The following SPATA6L variants were observed in gnomAD, a reference collection of about 807,000 sequenced individuals.
SPATA6L encodes the protein spermatogenesis associated 6-like protein.
In SPATA6L, 68 loss-of-function variants were observed where a neutral mutation model predicts 49.2. The ratio of observed to expected loss-of-function variants is 1.38; its 90% CI spans 1.14 to 1.69. The LOEUF (loss-of-function observed/expected upper bound fraction) is 1.69, where lower values mean the gene tolerates loss of function less well. Ranked by LOEUF, SPATA6L falls within the 40% of genes most tolerant of loss-of-function variation. SPATA6L has a pLI of 0.00. For missense variants in SPATA6L, 668 were observed against 464.3 expected (o/e 1.44, Z -4.03); for synonymous variants, 198 against 165.7 (o/e 1.19, Z -1.50).
intron 7 of SPATA6L, among the ~76,000 whole-genome samples, chr9:4,619,961 G>T (rs1000619800): frequency 2.0e-5 from 3 of 152,200 alleles, no homozygotes; most frequent in Non-Finnish European, 4.4e-5. Context: ...GCTTCCCCCA[G>T]TGTGACCAGG....
chr9:4,623,568 A>C (rs531275906), intron 6 of SPATA6L, among the ~76,000 whole-genome samples: 5 of 152,278 alleles, frequency 3.3e-5, no homozygotes, highest in Admixed American at 3.3e-4. Context: ...CAGGTTTTCT[A>C]AATTTTAATG....
At position 4,622,457 on chromosome 9, in the gene SPATA6L, C is replaced by T. The variant is rs1367564714; in HGVS notation, c.723G>A (p.Arg241=). The change falls in exon 7 of 12, where the codon AGG becomes AGA. Residue 241 remains arginine (R), a synonymous_variant. Transcript: ENST00000682582. The part of the protein sequence containing the change: ...GENISEHHLR[R]SRRKSKFSDF... The stretch of plus-strand genomic sequence containing the variant: ...CTGAAAACTTAGATTTTCTTCTAGA[C>T]CTCCTCAAATGATGCTCTGAAATAT... The T allele has an allele frequency of 6.2e-7, 1 of 1,613,878 alleles. No homozygotes were observed. Among genetic ancestry groups the T allele is most frequent in the Non-Finnish European group, 8.5e-7 (1 of 1,179,922 alleles).
intron 7 of SPATA6L, 33 bp from the exon 8 acceptor site, chr9:4,618,931 T>A: frequency 5.6e-6 from 9 of 1,605,720 alleles, no homozygotes; most frequent in Non-Finnish European, 7.7e-6. Context: ...TTTCAATGAC[T>A]CATTATTACC....
chr9:4,622,351 TC>T, intron 7 of SPATA6L, 56 bp downstream of exon 7: 1 of 1,017,308 alleles, frequency 9.8e-7, no homozygotes, highest in Non-Finnish European at 1.6e-6. Flanking sequence ...AAGAGTATAC[TC>T]AGGACGCATT....
intron 3 of SPATA6L, among the ~76,000 whole-genome samples, chr9:4,643,627 A>G (rs1447930768): frequency 6.6e-6 from 1 of 152,242 alleles, no homozygotes; most frequent in African/African-American, 2.4e-5. Context: ...TAAGAAAAGT[A>G]AAACCCAAAA....
At chr9:4,652,007 G>A (rs1256876315) in intron 3 of SPATA6L, among the ~76,000 whole-genome samples, 1 of 152,140 alleles carries the variant, frequency 6.6e-6, no homozygotes, top group African/African-American at 2.4e-5. Flanking sequence ...AAGAAGTAAA[G>A]CTGTTTCTAC....
intron 3 of SPATA6L, among the ~76,000 whole-genome samples, chr9:4,655,361 A>C (rs1728378630): frequency 6.6e-6 from 1 of 152,248 alleles, no homozygotes; most frequent in South Asian, 2.1e-4. Flanking sequence ...CGGAAAGATT[A>C]GTGGTTACCT....
At chr9:4,603,539 T>C (rs1823903777) in intron 11 of SPATA6L, among the ~76,000 whole-genome samples, 1 of 152,192 alleles carries the variant, frequency 6.6e-6, no homozygotes. Context: ...TCTTGTTCAG[T>C]GCACACACCT....
chr9:4,655,794 A>G (rs927850232), intron 3 of SPATA6L, among the ~76,000 whole-genome samples: 1 of 151,724 alleles, frequency 6.6e-6, no homozygotes, highest in Non-Finnish European at 1.5e-5. Context: ...CAAGGGATTC[A>G]CCCGCCTCGG....
chr9:4,598,072 T>C (rs990095976), downstream of SPATA6L, among the ~76,000 whole-genome samples: 6 of 152,218 alleles, frequency 3.9e-5, no homozygotes, highest in African/African-American at 1.2e-4. Flanking sequence ...AAAAATCTCT[T>C]TTATAATTCA....
intron 7 of SPATA6L, among the ~76,000 whole-genome samples, chr9:4,621,647 C>A (rs1201379756): frequency 1.3e-5 from 2 of 152,152 alleles, no homozygotes; most frequent in Non-Finnish European, 2.9e-5. Context: ...TGCCACCACG[C>A]CCGGCTAATT....
intron 9 of SPATA6L, among the ~76,000 whole-genome samples, chr9:4,613,590 CT>C (rs939266024): frequency 7.0e-4 from 103 of 147,592 alleles, no homozygotes; most frequent in African/African-American, 1.4e-3. Flanking sequence ...TCTCTAAGAA[CT>C]TTTTTTTTTT....
chr9:4,622,100 G>A (rs1412904226), intron 7 of SPATA6L, among the ~76,000 whole-genome samples: 3 of 152,178 alleles, frequency 2.0e-5, no homozygotes, highest in Non-Finnish European at 2.9e-5. Flanking sequence ...GACTTTGCAA[G>A]GGGTTCACAG....
At chr9:4,589,075 C>T (rs999998229) in intron 13 of SPATA6L, 1 of 152,212 alleles carries the variant, frequency 6.6e-6, no homozygotes, top group African/African-American at 2.4e-5. Flanking sequence ...CTATGGAACA[C>T]GATGAGTGGG....
chr9:4,630,961 G>C (rs1261060361), intron 4 of SPATA6L, among the ~76,000 whole-genome samples: 1 of 152,166 alleles, frequency 6.6e-6, no homozygotes, highest in Non-Finnish European at 1.5e-5. Context: ...CAGACAATCT[G>C]ATTCCACACT....
In SPATA6L at chr9:4,622,983, G is replaced by C. The variant is rs201237770; in HGVS notation, c.670-473C>G. Among the ~76,000 whole-genome samples, 2 of 148,694 alleles carry C rather than the reference G, an allele frequency of 1.3e-5. 1 individual carries two copies. The highest frequency in any genetic ancestry group is 4.0e-4 in the East Asian group (2 of 5,002). ...CCGAGTATCTACATTTTTGAAAAAA[G>C]AATAAGGGTAGCTAGGCCGGGTACA... On this transcript the variant is annotated intron_variant, in intron 6 of 11. Transcript: ENST00000682582.
At chr9:4,642,905 A>G (rs138383069) in intron 3 of SPATA6L, among the ~76,000 whole-genome samples, 16 of 152,346 alleles carry the variant, frequency 1.1e-4, no homozygotes, top group African/African-American at 3.1e-4. Flanking sequence ...AAGAAAACAA[A>G]TCATAATATG....
At chr9:4,618,833 A>T (rs1385130440) in intron 8 of SPATA6L, 31 bp downstream of exon 8, 5 of 1,594,972 alleles carry the variant, frequency 3.1e-6, no homozygotes, top group Non-Finnish European at 4.3e-6. Flanking sequence ...CTGGAAGTAA[A>T]TCATTTTACA....
Position 4,662,955 on chromosome 9 carries a change from C to G in SPATA6L, c.40-919G>C. 6.2e-7 allele frequency: 1 copy of G among 1,612,476 alleles called. No individual in the cohort carries two copies. Among genetic ancestry groups the G allele is most frequent in the Non-Finnish European group, 8.5e-7 (1 of 1,179,932 alleles). On this transcript the variant is annotated intron_variant, in intron 1 of 11. Transcript: ENST00000682582. The surrounding 1 kb of genome is among the most constrained non-coding windows in gnomAD (Gnocchi z 4.9). The stretch of plus-strand genomic sequence containing the variant: ...GCTGGTCCGCAGGCGCCGCCCGGCC[C>G]ACAACCAGATGGACATGTTTGTCAC...
Sources: gnomAD v4.1 joint callset for allele counts (sites outside exome capture counted in the v4.1 genomes callset) on GRCh38, gnomAD v4.1.1 for gene constraint, Gnocchi (gnomAD v3.1) non-coding constraint, MANE v1.5 for transcripts, NCBI Gene and HGNC (gene_info 2026-07-23, HGNC 2026-07-21) for gene names.